The following NME9 variants were observed in gnomAD, a reference collection of about 807,000 sequenced individuals.
NME9 encodes thioredoxin domain-containing protein 6.
A neutral mutation model predicts 44.4 loss-of-function variants in NME9; 48 were observed. The observed-to-expected ratio is 1.08, with a 90% CI of 0.86 to 1.37. The LOEUF (loss-of-function observed/expected upper bound fraction) is 1.37, where lower values mean the gene tolerates loss of function less well. NME9 is among the 40% of genes most tolerant of loss of function. The pLI is 0.00. For missense variants in NME9, 325 were observed against 405.2 expected, an observed-to-expected ratio of 0.80 and a Z score of 1.70; for synonymous variants, 139 against 147.1, an observed-to-expected ratio of 0.94 and a Z score of 0.40.
intron 8 of NME9, 59 bp downstream of exon 8, chr3:138,305,945 A>C: frequency 9.0e-7 from 1 of 1,109,186 alleles, no homozygotes; most frequent in Non-Finnish European, 1.4e-6. Flanking sequence ...ATCTATAAGC[A>C]TAATGTTGGA....
chr3:138,285,430 T>G (rs185188970), intron 8 of NME9, among the ~76,000 whole-genome samples: 1 of 152,294 alleles, frequency 6.6e-6, no homozygotes, highest in Admixed American at 6.5e-5. Context: ...TATTCCTCTC[T>G]TCCTTTGTTC....
At chr3:138,316,282 A>G (rs1239170396) in intron 4 of NME9, among the ~76,000 whole-genome samples, 1 of 152,230 alleles carries the variant, frequency 6.6e-6, no homozygotes, top group Non-Finnish European at 1.5e-5. Flanking sequence ...TGTGGCTTAC[A>G]CATGATTTAT....
At chr3:138,326,686 C>G (rs931834304) in intron 1 of NME9, among the ~76,000 whole-genome samples, 18 of 151,782 alleles carry the variant, frequency 1.2e-4, no homozygotes, top group African/African-American at 3.4e-4. Flanking sequence ...CTGCCTGCCT[C>G]GGCCTTCCAA....
chr3:138,307,996 T>C (rs2052401670), intron 6 of NME9, among the ~76,000 whole-genome samples: 1 of 152,022 alleles, frequency 6.6e-6, no homozygotes, highest in South Asian at 2.1e-4. Flanking sequence ...AAAGTGAAGG[T>C]GGCCTAGAGT....
At chr3:138,263,887 C>T in intron 8 of NME9, 2 of 1,367,744 alleles carry the variant, frequency 1.5e-6, no homozygotes, top group Non-Finnish European at 1.0e-6. Flanking sequence ...CCTTTCTGGT[C>T]CTTCACTGAG....
intron 2 of NME9, chr3:138,324,358 C>A: frequency 2.4e-6 from 1 of 424,518 alleles, no homozygotes; most frequent in South Asian, 1.7e-5. Context: ...TCCTGACCCA[C>A]AGAAACTGGG....
chr3:138,267,072 T>C (rs184930932), intron 8 of NME9: 62 of 757,924 alleles, frequency 8.2e-5, no homozygotes, highest in Non-Finnish European at 9.9e-5. Flanking sequence ...ATTGTTCTTG[T>C]TTTTATTTAT....
At position 138,267,122 on chromosome 3, in the gene NME9, A is replaced by G. The variant is rs764126882; in HGVS notation, c.746-4536T>C. 2.0e-5 allele frequency: 22 copies of G among 1,118,984 alleles called. No individual in the cohort carries two copies. The South Asian group carries it at 2.5e-4, about 13-fold the overall frequency. 69.3% of individuals were successfully genotyped at this position (1,118,984 alleles called of 1,614,324 possible). A position where few individuals can be genotyped will look rare whatever the true frequency, so the allele number is the denominator to read the frequency against. On this transcript the variant is annotated intron_variant, in intron 8 of 8. Coordinates refer to the NME9 transcript ENST00000317876. ...TTTATATCTCATCTTCATCATTCCA[A>G]ATCATTAGTAGTATCCTTTTTTAAT...
At chr3:138,309,281 A>G (rs1450199099) in intron 6 of NME9, among the ~76,000 whole-genome samples, 1 of 148,742 alleles carries the variant, frequency 6.7e-6, no homozygotes, top group African/African-American at 2.5e-5. Flanking sequence ...CCTGGTTGAC[A>G]GAGTGAGACT....
downstream of NME9, among the ~76,000 whole-genome samples, chr3:138,298,929 G>A (rs1027707862): frequency 1.3e-5 from 2 of 152,180 alleles, no homozygotes; most frequent in African/African-American, 4.8e-5. Flanking sequence ...AATCATGGTG[G>A]GAACCTCTGA....
In NME9 at chr3:138,303,245, T is replaced by C. The variant is rs182819202; in HGVS notation, c.928+262A>G. On this transcript the variant is annotated intron_variant, in intron 10 of 10. Transcript: ENST00000333911. ...ACAGGGAAATGCAAATAAAGTACTT[T>C]TTGTAACAAAAATATGACTCCAAGA... The C allele has an allele frequency of 8.0e-4, 284 of 354,612 alleles. 1 individual carries two copies. Among genetic ancestry groups the C allele is most frequent in the African/African-American group, 5.2e-3 (259 of 49,608 alleles). 22.0% of individuals were successfully genotyped at this position (354,612 alleles called of 1,614,324 possible). A position where few individuals can be genotyped will look rare whatever the true frequency, so the allele number is the denominator to read the frequency against.
At chr3:138,272,889 T>G (rs1035454291) in intron 8 of NME9, 2 of 1,238,886 alleles carry the variant, frequency 1.6e-6, no homozygotes, top group Admixed American at 3.4e-5. Context: ...TAAAAAAAAA[T>G]TACCAGAGTT....
intron 4 of NME9, among the ~76,000 whole-genome samples, chr3:138,317,215 A>T (rs2053149105): frequency 6.6e-6 from 1 of 152,176 alleles, no homozygotes; most frequent in Non-Finnish European, 1.5e-5. Flanking sequence ...CAACCATGTT[A>T]TCTCATGTAA....
chr3:138,290,540 G>T, intron 8 of NME9: 1 of 1,593,378 alleles, frequency 6.3e-7, no homozygotes, highest in Non-Finnish European at 8.6e-7. Context: ...GGCTTTAATC[G>T]TTTAGGTTCA....
At chr3:138,315,192 G>A (rs1212800334) in intron 5 of NME9, among the ~76,000 whole-genome samples, 1 of 152,214 alleles carries the variant, frequency 6.6e-6, no homozygotes, top group Non-Finnish European at 1.5e-5. Flanking sequence ...CCTCAAGGCT[G>A]AGAGGAGCCC....
chr3:138,281,894 T>G lies in NME9; in HGVS notation c.746-19308A>C, dbSNP rs558104509. Among the ~76,000 whole-genome samples, 25 of 152,330 alleles carry G rather than the reference T, an allele frequency of 1.6e-4. 1 individual carries two copies. In the East Asian group the frequency reaches 4.6e-3, roughly 28 times the overall value. On this transcript the variant is annotated intron_variant, in intron 8 of 8. Transcript: ENST00000317876. Reference sequence around the variant, plus strand: ...CTTCCCCCCATGAATACCTTGGTTATGAAGCCTTATTAAAATTCTTATTCA... The same window carrying G: ...CTTCCCCCCATGAATACCTTGGTTAGGAAGCCTTATTAAAATTCTTATTCA...
At chr3:138,317,827 A>C (rs1279719645) in intron 4 of NME9, among the ~76,000 whole-genome samples, 1 of 152,198 alleles carries the variant, frequency 6.6e-6, no homozygotes, top group Non-Finnish European at 1.5e-5. Flanking sequence ...TGTGTACAGC[A>C]AGTCAGGAAG....
Position 138,301,656 on chromosome 3 carries a change from G to A in NME9, c.977C>T (p.Pro326Leu). 1.3e-6 allele frequency: 2 copies of A among 1,536,110 alleles called. No individual in the cohort carries two copies. The highest frequency in any genetic ancestry group is 8.7e-7 in the Non-Finnish European group (1 of 1,146,914). ...TAGPTEALCF[P>L]EDVD ...ACAGCCATCTCAATCCACATCCTCA[G>A]GAAAGCAAAGCGCCTCAGTGGGCCC... is the stretch of plus-strand genomic sequence containing the variant. The change falls in exon 11 of 11, where the codon CCT becomes CTT. Residue 326 changes from proline to leucine, a missense_variant. Physicochemically the swap from Pro to Leu is moderately conservative, Grantham distance 98. Coordinates refer to ENST00000333911, the MANE Select transcript of NME9 (RefSeq NM_001349018.2).
chr3:138,318,277 A>G, intron 3 of NME9, 58 bp from the exon 4 acceptor site: 1 of 1,125,444 alleles, frequency 8.9e-7, no homozygotes, highest in East Asian at 2.3e-5. Context: ...GGCCCAATTG[A>G]TTGGTGGGAA....
Sources: gnomAD v4.1 joint callset for allele counts (sites outside exome capture counted in the v4.1 genomes callset) on GRCh38, gnomAD v4.1.1 for gene constraint, MANE v1.5 for transcripts, NCBI Gene and HGNC (gene_info 2026-07-23, HGNC 2026-07-21) for gene names.